MLIP: variants seen among roughly 807,000 people sequenced by gnomAD.
The protein encoded by MLIP is muscular LMNA interacting protein.
In MLIP, 79 loss-of-function variants were observed where a neutral mutation model predicts 84.8. The ratio of observed to expected loss-of-function variants is 0.93; its 90% CI spans 0.78 to 1.12. The LOEUF (loss-of-function observed/expected upper bound fraction) is 1.12. Among genes scored for constraint, MLIP ranks in the 50% most tolerant of loss-of-function variants. The pLI is 0.00. For synonymous variants in MLIP, 504 were observed against 463.0 expected (o/e 1.09, Z -1.14); for missense variants, 1,257 against 1,160.6 (o/e 1.08, Z -1.21).
chr6:54,027,492 T>C (rs896010735), intron 1 of MLIP, among the ~76,000 whole-genome samples: 2 of 152,132 alleles, frequency 1.3e-5, no homozygotes, highest in Non-Finnish European at 2.9e-5. Context: ...CTTTCTGTCA[T>C]TCCTACCACT....
chr6:54,114,895 A>G (rs1769776793), intron 1 of MLIP, among the ~76,000 whole-genome samples: 1 of 152,226 alleles, frequency 6.6e-6, no homozygotes, highest in Non-Finnish European at 1.5e-5. Context: ...GGCCATAAAA[A>G]AGGGCAGAGA....
At chr6:54,091,745 C>T (rs1767887185) in intron 1 of MLIP, among the ~76,000 whole-genome samples, 1 of 152,156 alleles carries the variant, frequency 6.6e-6, no homozygotes, top group Admixed American at 6.5e-5. Context: ...TTGTCATGAT[C>T]CTTCTAAACC....
intron 12 of MLIP, among the ~76,000 whole-genome samples, chr6:54,243,142 A>T (rs1053493569): frequency 6.6e-6 from 1 of 152,180 alleles, no homozygotes; most frequent in Non-Finnish European, 1.5e-5. Flanking sequence ...CATGCAAAAG[A>T]CATTTGGGCA....
intron 1 of MLIP, among the ~76,000 whole-genome samples, chr6:54,074,152 T>C (rs1766650571): frequency 6.6e-6 from 1 of 152,238 alleles, no homozygotes; most frequent in Non-Finnish European, 1.5e-5. Flanking sequence ...TTGAAAATGA[T>C]GTGTTTTTTT....
chr6:54,068,751 A>G (rs1036375957), intron 1 of MLIP, among the ~76,000 whole-genome samples: 3 of 100,694 alleles, frequency 3.0e-5, no homozygotes, highest in African/African-American at 5.1e-5. Flanking sequence ...TATAATTTTC[A>G]TTTGATAGAT....
chr6:54,021,628 G>A (rs1297353892), intron 1 of MLIP, among the ~76,000 whole-genome samples: 2 of 152,190 alleles, frequency 1.3e-5, no homozygotes, highest in Non-Finnish European at 2.9e-5. Context: ...TACCCTGGGT[G>A]AGTGAATTGC....
At chr6:54,101,450 C>T (rs1216007098) in intron 1 of MLIP, among the ~76,000 whole-genome samples, 1 of 152,054 alleles carries the variant, frequency 6.6e-6, no homozygotes, top group Non-Finnish European at 1.5e-5. Flanking sequence ...TTATGAGGTT[C>T]AGATGCTTTT....
chr6:54,123,311 A>G (rs1001610244), intron 2 of MLIP, among the ~76,000 whole-genome samples: 2 of 152,196 alleles, frequency 1.3e-5, no homozygotes, highest in Non-Finnish European at 2.9e-5. Context: ...AATAAAGACA[A>G]TTCATATAGC....
At chr6:54,254,878 G>A (rs1034619584) in intron 12 of MLIP, among the ~76,000 whole-genome samples, 4 of 149,730 alleles carry the variant, frequency 2.7e-5, no homozygotes, top group Non-Finnish European at 5.9e-5. Flanking sequence ...ATCAGCCACA[G>A]TAACTTTTTT....
At chr6:54,249,867 G>T (rs926302781) in intron 12 of MLIP, among the ~76,000 whole-genome samples, 1 of 151,894 alleles carries the variant, frequency 6.6e-6, no homozygotes. Flanking sequence ...ACGTTAAGGG[G>T]ATTTGTCATA....
chr6:54,071,236 A>T (rs956659461), intron 1 of MLIP, among the ~76,000 whole-genome samples: 7 of 152,100 alleles, frequency 4.6e-5, no homozygotes, highest in Non-Finnish European at 8.8e-5. Flanking sequence ...CTTTGCATGC[A>T]TCTGCTTTGC....
chr6:54,261,935 C>A (rs1250832635), intron 13 of MLIP, among the ~76,000 whole-genome samples: 1 of 151,872 alleles, frequency 6.6e-6, no homozygotes, highest in Non-Finnish European at 1.5e-5. Flanking sequence ...ATATTATTAC[C>A]TGTTGATTAA....
chr6:54,033,628 G>C (rs1044337263), intron 1 of MLIP, among the ~76,000 whole-genome samples: 1 of 151,984 alleles, frequency 6.6e-6, no homozygotes, highest in African/African-American at 2.4e-5. Context: ...TTGGCCTCAG[G>C]ACAGCCTGAA....
At chr6:54,230,575 T>C (rs2150802635) in intron 11 of MLIP, 139 bp from the exon 12 acceptor site, 1 of 745,142 alleles carries the variant, frequency 1.3e-6, no homozygotes, top group Middle Eastern at 2.9e-4. Context: ...AGTTGTCTCA[T>C]GAGGGACACC....
At chr6:54,186,151 G>A (rs1777369255) in intron 9 of MLIP, among the ~76,000 whole-genome samples, 1 of 152,092 alleles carries the variant, frequency 6.6e-6, no homozygotes, top group Non-Finnish European at 1.5e-5. Context: ...TATATACTTG[G>A]TGATAACATG....
chr6:54,102,733 C>T (rs1768744784), intron 1 of MLIP, among the ~76,000 whole-genome samples: 2 of 152,162 alleles, frequency 1.3e-5, no homozygotes, highest in African/African-American at 4.8e-5. Context: ...TGACCTCCTA[C>T]TATGTGACAG....
At chr6:54,265,879 G>T in intron 13 of MLIP, 71 bp from the exon 14 acceptor site, 1 of 1,403,642 alleles carries the variant, frequency 7.1e-7, no homozygotes, top group Non-Finnish European at 9.9e-7. Flanking sequence ...AAATATTAAT[G>T]TATAATTTTC....
At chr6:54,226,744 A>G (rs1780602256) in intron 11 of MLIP, among the ~76,000 whole-genome samples, 1 of 152,220 alleles carries the variant, frequency 6.6e-6, no homozygotes, top group Non-Finnish European at 1.5e-5. Flanking sequence ...TAGTGCCTCT[A>G]TAAAATCGGA....
chr6:54,227,852 G>C lies in MLIP; in HGVS notation c.2719-2862G>C, dbSNP rs547641968. On this transcript the variant is annotated intron_variant, in intron 11 of 13. Transcript: ENST00000502396. ...CTCCTTTAGGGTCCAGTCAATATGA[G>C]AGAAAACCAAAAAAATGTAAGACAC... Among the ~76,000 whole-genome samples the C allele has an allele frequency of 2.6e-5, 4 of 151,990 alleles. No homozygotes were observed. In the South Asian group the frequency reaches 8.3e-4, roughly 31 times the overall value.
Sources: allele counts gnomAD v4.1 joint callset (sites outside exome capture counted in the v4.1 genomes callset), GRCh38; gene constraint gnomAD v4.1.1; transcripts MANE v1.5; gene names NCBI Gene and HGNC (gene_info 2026-07-23, HGNC 2026-07-21).